Variants in PRDM5 observed in about 807,000 individuals in gnomAD.
The protein encoded by PRDM5 is PR/SET domain 5.
Under a neutral mutation model 81.2 loss-of-function variants are expected in PRDM5, and 56 were observed. The observed-to-expected ratio is 0.69, with a 90% CI of 0.56 to 0.86. The LOEUF (loss-of-function observed/expected upper bound fraction) is 0.86. Among genes scored for constraint, PRDM5 ranks in the 40% least tolerant of loss-of-function variants. The probability of loss-of-function intolerance (pLI) is 0.00; values close to 1 mark genes in which losing one functional copy is unlikely to be tolerated. For missense variants in PRDM5, 697 were observed against 770.1 expected (o/e 0.91, Z 1.12); for synonymous variants, 267 against 256.4 (o/e 1.04, Z -0.39).
intron 2 of PRDM5, among the ~76,000 whole-genome samples, chr4:120,872,696 G>A (rs973399096): frequency 1.3e-5 from 2 of 152,180 alleles, no homozygotes; most frequent in African/African-American, 4.8e-5. Flanking sequence ...TAAGGCTGCA[G>A]TGAACTATGA....
intron 2 of PRDM5, among the ~76,000 whole-genome samples, chr4:120,889,285 G>A (rs996700391): frequency 6.6e-6 from 1 of 151,974 alleles, no homozygotes. Context: ...TTTCCATGAG[G>A]ATATAATTTT....
In PRDM5 at chr4:120,840,880, A is replaced by C. The variant is rs186816659; in HGVS notation, c.300+12538T>G. 3.8e-3 allele frequency among the ~76,000 whole-genome samples: 577 copies of C among 152,274 alleles called. 3 individuals are homozygous for C. Among genetic ancestry groups the C allele is most frequent in the Admixed American group, 8.2e-3 (125 of 15,304 alleles). ...AGCCCTCCACTGCCATCACTATAAG[A>C]AACTAATGCCACTGCTGCTCGGACA... On this transcript the variant is annotated intron_variant, in intron 3 of 15. Transcript: ENST00000264808.
chr4:120,689,600 CTT>C (rs68162390), downstream of PRDM5, among the ~76,000 whole-genome samples: 24,200 of 143,884 alleles, frequency 0.17, 2,268 homozygotes, highest in Non-Finnish European at 0.24. Context: ...TTTCAAAATT[CTT>C]TTTTTTTTTT....
intron 1 of PRDM5, among the ~76,000 whole-genome samples, chr4:120,909,098 C>T (rs1032519428): frequency 2.0e-5 from 3 of 152,174 alleles, no homozygotes; most frequent in African/African-American, 7.2e-5. Flanking sequence ...CATTTAACAA[C>T]TAAGAAAATT....
rs78992859 is a variant in PRDM5, at chr4:120,881,577, A to G, written c.177+25897T>C. On this transcript the variant is annotated intron_variant, in intron 2 of 15. Coordinates refer to ENST00000264808, the MANE Select transcript of PRDM5 (RefSeq NM_018699.4). ...GGATTTTTTGACTTACCATAGCCAG[A>G]GCACCATTCTCTATGAGAAAACTAA... Among the ~76,000 whole-genome samples the G allele has an allele frequency of 5.9e-5, 9 of 152,344 alleles. No individual in the cohort carries two copies. In the East Asian group the frequency reaches 1.7e-3, roughly 29 times the overall value.
At chr4:120,706,007 G>A (rs1496275) in intron 15 of PRDM5, among the ~76,000 whole-genome samples, 4,886 of 152,164 alleles carry the variant, frequency 0.032, 261 homozygotes, top group African/African-American at 0.11. Flanking sequence ...ACAGGTAGAT[G>A]CAAAGGCAGG....
At chr4:120,832,833 G>A (rs1756886713) in intron 3 of PRDM5, among the ~76,000 whole-genome samples, 1 of 152,116 alleles carries the variant, frequency 6.6e-6, no homozygotes, top group Non-Finnish European at 1.5e-5. Flanking sequence ...GTCAACAGTT[G>A]AGAGGGTGAG....
At chr4:120,808,818 T>G (rs1287193230) in intron 8 of PRDM5, among the ~76,000 whole-genome samples, 1 of 152,156 alleles carries the variant, frequency 6.6e-6, no homozygotes, top group African/African-American at 2.4e-5. Flanking sequence ...AGGTGCTAAG[T>G]CCCTCACTGC....
chr4:120,699,531 A>G (rs1247987352), intron 15 of PRDM5, among the ~76,000 whole-genome samples: 2 of 152,134 alleles, frequency 1.3e-5, no homozygotes, highest in Admixed American at 6.6e-5. Context: ...CAGCACCAAC[A>G]TGGAATTGGC....
At chr4:120,826,388 CT>C (rs1755985741) in intron 3 of PRDM5, among the ~76,000 whole-genome samples, 1 of 152,102 alleles carries the variant, frequency 6.6e-6, no homozygotes, top group East Asian at 1.9e-4. Context: ...CATGTAGGAA[CT>C]TTTAATTAGG....
At chr4:120,736,463 T>C (rs535881505) in intron 14 of PRDM5, among the ~76,000 whole-genome samples, 42 of 152,172 alleles carry the variant, frequency 2.8e-4, no homozygotes, top group Non-Finnish European at 5.4e-4. Flanking sequence ...AGAGACAAAG[T>C]AATTAGCAGG....
intron 11 of PRDM5, among the ~76,000 whole-genome samples, chr4:120,783,659 T>C (rs1353354808): frequency 6.6e-6 from 1 of 152,142 alleles, no homozygotes; most frequent in Non-Finnish European, 1.5e-5. Context: ...TGAACTATAA[T>C]AGAAATTCCT....
rs773582444 is a variant in PRDM5, at chr4:120,710,432, G to A, written c.1624-19C>T. 1 of 1,607,414 alleles carries A rather than the reference G, an allele frequency of 6.2e-7. No homozygotes were observed. Among genetic ancestry groups the A allele is most frequent in the East Asian group, 2.2e-5 (1 of 44,810 alleles). Reference sequence around the variant, plus strand: ...GCTTCTCCTGCAGTCAACAAAAAGAGACCACCAAAATTGCCAGTGAATGAA... The same window carrying A: ...GCTTCTCCTGCAGTCAACAAAAAGAAACCACCAAAATTGCCAGTGAATGAA... On this transcript the variant is annotated intron_variant, in intron 14 of 15. Transcript: ENST00000264808.
At chr4:120,702,784 C>T (rs563792270) in intron 15 of PRDM5, among the ~76,000 whole-genome samples, 4 of 152,232 alleles carry the variant, frequency 2.6e-5, no homozygotes, top group African/African-American at 4.8e-5. Flanking sequence ...TAAAGAAGAT[C>T]GATTTAACAT....
At chr4:120,753,159 T>C (rs1744244680) in intron 14 of PRDM5, among the ~76,000 whole-genome samples, 2 of 152,188 alleles carry the variant, frequency 1.3e-5, no homozygotes, top group South Asian at 4.1e-4. Context: ...CCCCTTTGCC[T>C]TTTTGTCGGC....
At position 120,907,379 on chromosome 4, in the gene PRDM5, T is replaced by C. The variant is rs1765935306; in HGVS notation, c.177+95A>G. On this transcript the variant is annotated intron_variant, in intron 2 of 15. Coordinates refer to ENST00000264808, the MANE Select transcript of PRDM5 (RefSeq NM_018699.4). ...TAAAACATTTCAATACTTAAATACT[T>C]AACTGGAATCAATATCAATTAATGT... is the stretch of plus-strand genomic sequence containing the variant. 2.1e-5 allele frequency: 22 copies of C among 1,061,216 alleles called. No homozygotes were observed. In the South Asian group the frequency reaches 2.8e-4, roughly 14 times the overall value. The allele number at this position is 1,061,216 out of a possible 1,614,324, so 65.7% of individuals were successfully genotyped here.
At position 120,799,719 on chromosome 4, in the gene PRDM5, T is replaced by C; in HGVS notation, c.972A>G (p.Glu324=). 6.2e-7 allele frequency: 1 copy of C among 1,612,994 alleles called. No homozygotes were observed. The highest frequency in any genetic ancestry group is 8.5e-7 in the Non-Finnish European group (1 of 1,179,618). The change falls in exon 9 of 16, where the codon GAA becomes GAG. Residue 324 remains glutamate (E), a synonymous_variant. Coordinates refer to ENST00000264808, the MANE Select transcript of PRDM5 (RefSeq NM_018699.4). Reference sequence around the variant, plus strand: ...TAGCTGAAATAAATTTCTTCATACATTCTTGACAATCAAATATCTCATGAA... The same window carrying C: ...TAGCTGAAATAAATTTCTTCATACACTCTTGACAATCAAATATCTCATGAA... The part of the protein sequence containing the change: ...RKIHEIFDCQ[E]CMKKFISANQ...
chr4:120,879,963 T>A (rs569392075), intron 2 of PRDM5, among the ~76,000 whole-genome samples: 1 of 152,266 alleles, frequency 6.6e-6, no homozygotes, highest in East Asian at 1.9e-4. Flanking sequence ...ATTATGCATC[T>A]GTCAGAACCC....
chr4:120,880,839 C>T (rs1045841882), intron 2 of PRDM5, among the ~76,000 whole-genome samples: 2 of 152,022 alleles, frequency 1.3e-5, no homozygotes, highest in South Asian at 2.1e-4. Context: ...TTGATGAAAA[C>T]GCTCATCAAT....
Sources: gnomAD v4.1 joint callset for allele counts (sites outside exome capture counted in the v4.1 genomes callset) on GRCh38, gnomAD v4.1.1 for gene constraint, MANE v1.5 for transcripts, NCBI Gene and HGNC (gene_info 2026-07-23, HGNC 2026-07-21) for gene names.